The following OCA2 variants were observed in gnomAD, a reference collection of about 807,000 sequenced individuals.
OCA2 encodes P protein.
In OCA2, 77 loss-of-function variants were observed where a neutral mutation model predicts 100.2. That is an observed-to-expected ratio of 0.77 (90% CI 0.64 to 0.93). The LOEUF (loss-of-function observed/expected upper bound fraction) is 0.93. Among genes scored for constraint, OCA2 ranks in the 40% least tolerant of loss-of-function variants. The pLI, the probability that OCA2 is intolerant of heterozygous loss-of-function variation, is 0.00. For missense variants in OCA2, 1,062 were observed against 1,089.1 expected, an observed-to-expected ratio of 0.98 and a Z score of 0.35; for synonymous variants, 432 against 439.2, an observed-to-expected ratio of 0.98 and a Z score of 0.21.
chr15:27,902,409 AGATT>A (rs1466092193), intron 19 of OCA2, among the ~76,000 whole-genome samples: 1 of 152,256 alleles, frequency 6.6e-6, no homozygotes, highest in African/African-American at 2.4e-5. Context: ...TCATAATTAT[AGATT>A]GACTAATTAA....
chr15:27,720,481 TTATG>T, the OCA2 span, among the ~76,000 whole-genome samples: 2 of 150,664 alleles, frequency 1.3e-5, no homozygotes, highest in Admixed American at 6.6e-5. Flanking sequence ...TTTTATATGT[TTATG>T]TATAGATTCA....
chr15:27,843,617 C>G (rs2035423104), intron 23 of OCA2, among the ~76,000 whole-genome samples: 1 of 152,202 alleles, frequency 6.6e-6, no homozygotes. Flanking sequence ...CAGAGTCCCA[C>G]CGGGAGACGC....
chr15:27,917,133 T>C (rs1372941183), intron 19 of OCA2, among the ~76,000 whole-genome samples: 1 of 152,128 alleles, frequency 6.6e-6, no homozygotes, highest in Non-Finnish European at 1.5e-5. Context: ...TCTTCTGGGC[T>C]AACAGTGAAT....
chr15:28,060,443 T>C (rs2043838434), intron 2 of OCA2, among the ~76,000 whole-genome samples: 1 of 152,202 alleles, frequency 6.6e-6, no homozygotes. Context: ...CTTGCACCCT[T>C]GTGGGGATAG....
intron 23 of OCA2, among the ~76,000 whole-genome samples, chr15:27,758,171 T>G (rs2030536412): frequency 6.6e-6 from 1 of 152,162 alleles, no homozygotes; most frequent in Non-Finnish European, 1.5e-5. Context: ...TTCCTTTTTG[T>G]TTCCCCTCAT....
intron 2 of OCA2, among the ~76,000 whole-genome samples, chr15:28,066,940 C>T (rs1356429204): frequency 6.6e-6 from 1 of 152,172 alleles, no homozygotes; most frequent in African/African-American, 2.4e-5. Context: ...TTTTAATCTA[C>T]CTACAACCTG....
chr15:27,804,971 A>G (rs1271108009), intron 23 of OCA2, among the ~76,000 whole-genome samples: 1 of 152,138 alleles, frequency 6.6e-6, no homozygotes, highest in Non-Finnish European at 1.5e-5. Context: ...CTGGACGTGC[A>G]CTCTAGCGAG....
intron 2 of OCA2, among the ~76,000 whole-genome samples, chr15:28,074,605 C>CG (rs2044370359): frequency 6.8e-6 from 1 of 146,696 alleles, no homozygotes; most frequent in African/African-American, 2.5e-5. Flanking sequence ...ACCCGGGAAG[C>CG]GGAGCTTGCA....
intron 23 of OCA2, among the ~76,000 whole-genome samples, chr15:27,833,666 A>G (rs2035043252): frequency 6.6e-6 from 1 of 152,256 alleles, no homozygotes; most frequent in Non-Finnish European, 1.5e-5. Flanking sequence ...TTAGGCCACA[A>G]GTGGTTCCAA....
At chr15:28,090,504 AGCC>A (rs1204397926) in intron 1 of OCA2, among the ~76,000 whole-genome samples, 3 of 152,242 alleles carry the variant, frequency 2.0e-5, no homozygotes, top group Admixed American at 6.5e-5. Flanking sequence ...AGTATTCTGT[AGCC>A]ACAATGCAAT....
chr15:27,821,080 T>C (rs1372229174), intron 23 of OCA2, among the ~76,000 whole-genome samples: 1 of 152,110 alleles, frequency 6.6e-6, no homozygotes, highest in African/African-American at 2.4e-5. Flanking sequence ...GATGCCTCAA[T>C]GTCTTAGATA....
intron 21 of OCA2, among the ~76,000 whole-genome samples, chr15:27,860,684 T>C (rs2036098478): frequency 6.6e-6 from 1 of 152,250 alleles, no homozygotes; most frequent in South Asian, 2.1e-4. Flanking sequence ...CCACATTTTC[T>C]TTATTCAATC....
chr15:27,831,303 A>AAAAAAAAAAAC lies in OCA2; in HGVS notation c.2432+13655_2432+13656insGTTTTTTTTTT, dbSNP rs1337827985. 1.4e-3 allele frequency among the ~76,000 whole-genome samples: 207 copies of AAAAAAAAAAAC among 151,050 alleles called. 5 individuals carry two copies. Among genetic ancestry groups the AAAAAAAAAAAC allele is most frequent in the Non-Finnish European group, 2.2e-3 (152 of 67,586 alleles). On this transcript the variant is annotated intron_variant, in intron 23 of 23. Coordinates refer to ENST00000354638, the MANE Select transcript of OCA2 (RefSeq NM_000275.3). The stretch of plus-strand genomic sequence containing the variant: ...CCGTCTCAAAAAAAAAAAAAAAAAA[A>AAAAAAAAAAAC]AAATCGGTCTGAGTCCAGTGAGTCC...
intron 2 of OCA2, among the ~76,000 whole-genome samples, chr15:28,074,549 C>T (rs2044367437): frequency 6.6e-6 from 1 of 152,158 alleles, no homozygotes; most frequent in South Asian, 2.1e-4. Context: ...TGGCGGACGC[C>T]TGCAGTCCCA....
At chr15:27,855,401 G>A (rs1326342102) in intron 21 of OCA2, among the ~76,000 whole-genome samples, 4 of 152,186 alleles carry the variant, frequency 2.6e-5, no homozygotes, top group Non-Finnish European at 1.5e-5. Flanking sequence ...GCCTTCACCT[G>A]AGCACCACCT....
intron 15 of OCA2, among the ~76,000 whole-genome samples, chr15:27,959,757 C>G (rs1448680158): frequency 6.6e-6 from 1 of 152,214 alleles, no homozygotes; most frequent in Non-Finnish European, 1.5e-5. Flanking sequence ...TGCTTACTCT[C>G]CAGTGGAGCC....
Position 27,911,391 on chromosome 15 carries a change from A to T in OCA2, c.2079+14736T>A, listed in dbSNP as rs887664267. 2.0e-5 allele frequency among the ~76,000 whole-genome samples: 3 copies of T among 152,196 alleles called. No individual in the cohort carries two copies. The South Asian group carries it at 6.2e-4, about 31-fold the overall frequency. On this transcript the variant is annotated intron_variant, in intron 19 of 23. Coordinates refer to ENST00000354638, the MANE Select transcript of OCA2 (RefSeq NM_000275.3). ...GATTGTGCCACTGCACTTCAAGCAC[A>T]ATAGAATGAGACCCTGTCTCAAGAA...
At chr15:28,058,427 G>C (rs2043771902) in intron 2 of OCA2, among the ~76,000 whole-genome samples, 1 of 152,172 alleles carries the variant, frequency 6.6e-6, no homozygotes, top group South Asian at 2.1e-4. Context: ...AGCAGGGAAG[G>C]CTCCCTCTGC....
chr15:27,734,143 C>A, the OCA2 span, among the ~76,000 whole-genome samples: 1 of 115,344 alleles, frequency 8.7e-6, no homozygotes, highest in African/African-American at 3.5e-5. Flanking sequence ...TAGAGTGAGG[C>A]TCTGTCTCAA....
Sources: allele counts gnomAD v4.1 joint callset (sites outside exome capture counted in the v4.1 genomes callset), GRCh38; gene constraint gnomAD v4.1.1; transcripts MANE v1.5; gene names NCBI Gene and HGNC (gene_info 2026-07-23, HGNC 2026-07-21).